DPP10: variants seen among roughly 807,000 people sequenced by gnomAD.
The protein encoded by DPP10 is dipeptidyl peptidase like 10.
DPP10 carries 33 observed loss-of-function variants against 120.9 expected under a neutral mutation model. The observed-to-expected ratio is 0.27, with a 90% CI of 0.21 to 0.37. The LOEUF is 0.37. Among genes scored for constraint, DPP10 ranks in the 10% least tolerant of loss-of-function variants. The pLI is 1.00. For missense variants in DPP10, 816 were observed against 942.8 expected (o/e 0.87, Z 1.76); for synonymous variants, 337 against 326.1 (o/e 1.03, Z -0.36).
chr2:115,113,075 C>CGTGT (rs756939666), intron 1 of DPP10, among the ~76,000 whole-genome samples: 16 of 151,502 alleles, frequency 1.1e-4, no homozygotes, highest in African/African-American at 3.9e-4. Flanking sequence ...GACTAAGTTA[C>CGTGT]GTGTGTGTGT....
chr2:115,257,399 C>T (rs1475242336), intron 1 of DPP10, among the ~76,000 whole-genome samples: 1 of 152,186 alleles, frequency 6.6e-6, no homozygotes, highest in Non-Finnish European at 1.5e-5. Flanking sequence ...CTGGTATCTA[C>T]TTGGCTTCTG....
intron 1 of DPP10, among the ~76,000 whole-genome samples, chr2:114,507,650 G>A (rs1269443465): frequency 6.6e-6 from 1 of 151,686 alleles, no homozygotes; most frequent in African/African-American, 2.4e-5. Flanking sequence ...AATTCTTGAA[G>A]GTTGGTGGTT....
intron 1 of DPP10, among the ~76,000 whole-genome samples, chr2:115,151,953 A>C (rs1331710501): frequency 5.9e-5 from 9 of 151,410 alleles, no homozygotes; most frequent in Non-Finnish European, 1.2e-4. Flanking sequence ...TATTCCTACT[A>C]TGCTGTTTCT....
In DPP10 at chr2:115,142,419, T is replaced by C. The variant is rs188738242; in HGVS notation, c.61-166820T>C. On this transcript the variant is annotated intron_variant, in intron 1 of 25. Transcript: ENST00000410059. ...CTGGGAAGAAAGCAATGTGCGCTCA[T>C]AGATAGCATGGACCCAGGAGATCAG... Among the ~76,000 whole-genome samples, 72 of 152,210 alleles carry C rather than the reference T, an allele frequency of 4.7e-4. No individual in the cohort carries two copies. In the East Asian group the frequency reaches 9.1e-3, roughly 19 times the overall value.
intron 1 of DPP10, among the ~76,000 whole-genome samples, chr2:114,458,381 C>T (rs1244764868): frequency 6.6e-6 from 1 of 152,080 alleles, no homozygotes; most frequent in Non-Finnish European, 1.5e-5. Context: ...CCCCTATTTG[C>T]CTGTCATGAA....
intron 7 of DPP10, among the ~76,000 whole-genome samples, chr2:115,697,581 AAT>A (rs34075750): frequency 5.2e-4 from 77 of 148,884 alleles, no homozygotes; most frequent in Admixed American, 6.7e-4. Context: ...AATTGAAGGG[AAT>A]ATATATATAT....
chr2:114,847,989 T>G (rs2106474724), intron 1 of DPP10, among the ~76,000 whole-genome samples: 1 of 152,246 alleles, frequency 6.6e-6, no homozygotes, highest in Non-Finnish European at 1.5e-5. Flanking sequence ...AACATCAAAG[T>G]AGTTAAGTTC....
intron 3 of DPP10, among the ~76,000 whole-genome samples, chr2:115,498,927 A>G (rs2076544312): frequency 6.6e-6 from 1 of 152,036 alleles, no homozygotes; most frequent in African/African-American, 2.4e-5. Context: ...AAGTTCATTC[A>G]TTGATATAGT....
intron 1 of DPP10, among the ~76,000 whole-genome samples, chr2:114,513,745 A>G (rs1684365382): frequency 6.6e-6 from 1 of 152,150 alleles, no homozygotes; most frequent in Non-Finnish European, 1.5e-5. Context: ...TGGGGAAGAG[A>G]AGGCATGAAT....
intron 1 of DPP10, among the ~76,000 whole-genome samples, chr2:114,663,688 G>GAGAA (rs1177709061): frequency 0.013 from 1,846 of 147,288 alleles, 22 homozygotes; most frequent in Non-Finnish European, 0.02. Flanking sequence ...GAGAGAGAGA[G>GAGAA]AGAGAGAGAA....
At chr2:115,799,786 A>G (rs954213010) in intron 19 of DPP10, among the ~76,000 whole-genome samples, 3 of 151,948 alleles carry the variant, frequency 2.0e-5, no homozygotes, top group Non-Finnish European at 4.4e-5. Flanking sequence ...ATGGCTGCAT[A>G]GTATTCCATG....
intron 1 of DPP10, among the ~76,000 whole-genome samples, chr2:114,651,890 G>A (rs145468024): frequency 1.1e-4 from 17 of 152,286 alleles, no homozygotes; most frequent in African/African-American, 3.1e-4. Flanking sequence ...CTGAGGCAGC[G>A]TGAGTTAGGG....
chr2:115,587,016 G>A (rs185299445), intron 5 of DPP10, among the ~76,000 whole-genome samples: 2 of 151,262 alleles, frequency 1.3e-5, no homozygotes, highest in Non-Finnish European at 2.9e-5. Flanking sequence ...AGACCTCCAG[G>A]ACTTGTTTTA....
chr2:115,714,280 G>T (rs895997310), intron 7 of DPP10, among the ~76,000 whole-genome samples: 1 of 152,164 alleles, frequency 6.6e-6, no homozygotes, highest in Non-Finnish European at 1.5e-5. Context: ...TGTTGAGATT[G>T]TTGCTATCCT....
chr2:115,196,079 T>A (rs980062195), intron 1 of DPP10, among the ~76,000 whole-genome samples: 1 of 152,234 alleles, frequency 6.6e-6, no homozygotes, highest in African/African-American at 2.4e-5. Context: ...CATTGAAGTG[T>A]CCTTTTTTTC....
intron 3 of DPP10, among the ~76,000 whole-genome samples, chr2:115,459,400 AC>A (rs1402865806): frequency 6.6e-6 from 1 of 151,720 alleles, no homozygotes; most frequent in African/African-American, 2.4e-5. Flanking sequence ...CAGGTGATCC[AC>A]CCACCTCAGC....
At chr2:114,823,091 T>C (rs1686231987) in intron 1 of DPP10, among the ~76,000 whole-genome samples, 1 of 152,132 alleles carries the variant, frequency 6.6e-6, no homozygotes, top group Non-Finnish European at 1.5e-5. Flanking sequence ...CCGGTACCAA[T>C]TTACTGTATT....
At chr2:114,981,543 T>A (rs912679495) in intron 1 of DPP10, among the ~76,000 whole-genome samples, 2 of 152,114 alleles carry the variant, frequency 1.3e-5, no homozygotes, top group African/African-American at 4.8e-5. Flanking sequence ...CTACTGGGAA[T>A]TCGGACTGAG....
chr2:115,807,927 T>C (rs1686197787), intron 19 of DPP10, among the ~76,000 whole-genome samples: 1 of 152,262 alleles, frequency 6.6e-6, no homozygotes, highest in African/African-American at 2.4e-5. Flanking sequence ...ACAATGTTAA[T>C]GAACAGACCC....
Sources: gnomAD v4.1 joint callset for allele counts (sites outside exome capture counted in the v4.1 genomes callset) on GRCh38, gnomAD v4.1.1 for gene constraint, MANE v1.5 for transcripts, NCBI Gene and HGNC (gene_info 2026-07-23, HGNC 2026-07-21) for gene names.